Variants in NTM observed in about 807,000 individuals in gnomAD.
NTM encodes the protein IgLON family member 2.
NTM carries 13 observed loss-of-function variants against 42.1 expected under a neutral mutation model. That is an observed-to-expected ratio of 0.31 (90% CI 0.20 to 0.49). The LOEUF (loss-of-function observed/expected upper bound fraction) is 0.49, where lower values mean the gene tolerates loss of function less well. NTM is among the 20% of genes least tolerant of loss of function. The probability of loss-of-function intolerance (pLI) is 0.99; values close to 1 mark genes in which losing one functional copy is unlikely to be tolerated. For synonymous variants in NTM, 187 were observed against 179.2 expected, an observed-to-expected ratio of 1.04 and a Z score of -0.35; for missense variants, 373 against 452.8, an observed-to-expected ratio of 0.82 and a Z score of 1.60.
chr11:132,075,712 C>T (rs758797349), intron 2 of NTM, among the ~76,000 whole-genome samples: 9 of 152,114 alleles, frequency 5.9e-5, no homozygotes, highest in Non-Finnish European at 1.2e-4. Flanking sequence ...ATTCTTTTAG[C>T]ACATAGCCTC....
chr11:132,317,920 G>A (rs1249641351), intron 7 of NTM, among the ~76,000 whole-genome samples: 1 of 152,010 alleles, frequency 6.6e-6, no homozygotes, highest in Non-Finnish European at 1.5e-5. Flanking sequence ...AAGAAAGAAA[G>A]AAAAGTATCG....
At chr11:131,593,315 C>T (rs1315007638) in intron 1 of NTM, among the ~76,000 whole-genome samples, 1 of 152,162 alleles carries the variant, frequency 6.6e-6, no homozygotes, top group Non-Finnish European at 1.5e-5. Flanking sequence ...TTCCCTGCTA[C>T]AGTTGTCTTT....
intron 1 of NTM, among the ~76,000 whole-genome samples, chr11:131,779,099 A>C (rs113766821): frequency 3.4e-3 from 517 of 152,354 alleles, no homozygotes; most frequent in African/African-American, 0.012. Flanking sequence ...CACAGTAAGC[A>C]TCTAGGAACT....
intron 1 of NTM, among the ~76,000 whole-genome samples, chr11:131,878,561 C>T (rs1203273833): frequency 2.4e-5 from 2 of 83,416 alleles, no homozygotes; most frequent in East Asian, 3.2e-4. Flanking sequence ...CAGAGGGAGA[C>T]TCCATCTCAA....
At chr11:131,830,149 T>A (rs780384175) in intron 1 of NTM, among the ~76,000 whole-genome samples, 2 of 152,230 alleles carry the variant, frequency 1.3e-5, no homozygotes, top group Non-Finnish European at 2.9e-5. Flanking sequence ...GTTGATAGTT[T>A]CTTTTGCTGT....
Position 131,689,316 on chromosome 11 carries a change from A to G in NTM, c.83-222248A>G, listed in dbSNP as rs376614521. Among the ~76,000 whole-genome samples, 169 of 152,324 alleles carry G rather than the reference A, an allele frequency of 1.1e-3. 1 individual carries two copies. The highest frequency in any genetic ancestry group is 3.9e-3 in the African/African-American group (162 of 41,588). On this transcript the variant is annotated intron_variant, in intron 1 of 8. Coordinates refer to ENST00000683400, the MANE Select transcript of NTM (RefSeq NM_001352005.2). ...CTTGCCTCCCCACCCAGTATTGCCC[A>G]GCCCCTCAGAAGCTAGCCATGGTAA...
chr11:131,502,277 G>A (rs541764272), intron 1 of NTM, among the ~76,000 whole-genome samples: 40 of 152,212 alleles, frequency 2.6e-4, no homozygotes, highest in South Asian at 6.2e-4. Context: ...GGAGCCTCGA[G>A]AGAGAGAGAG....
intron 1 of NTM, among the ~76,000 whole-genome samples, chr11:131,417,502 G>T (rs1481746145): frequency 6.6e-6 from 1 of 152,172 alleles, no homozygotes; most frequent in Non-Finnish European, 1.5e-5. Flanking sequence ...GTATAGGGAA[G>T]GGTCTAGCCC....
intron 1 of NTM, among the ~76,000 whole-genome samples, chr11:131,669,282 T>A (rs1037993518): frequency 6.6e-6 from 1 of 152,058 alleles, no homozygotes. Context: ...AAATAGAGGT[T>A]AAGAGGTCAG....
At chr11:131,795,319 C>A (rs527375013) in intron 1 of NTM, 4 of 847,498 alleles carry the variant, frequency 4.7e-6, no homozygotes, top group African/African-American at 1.8e-5. Context: ...AGTGCCCAGG[C>A]GCTCCTAATA....
chr11:132,138,232 G>A (rs986696822), intron 2 of NTM, among the ~76,000 whole-genome samples: 9 of 152,084 alleles, frequency 5.9e-5, no homozygotes, highest in Non-Finnish European at 1.5e-5. Context: ...TTCCACATAT[G>A]ACAAAAAGAT....
chr11:131,954,167 T>C (rs2061325764), intron 2 of NTM, among the ~76,000 whole-genome samples: 1 of 152,170 alleles, frequency 6.6e-6, no homozygotes, highest in South Asian at 2.1e-4. Flanking sequence ...CGCGATGTCC[T>C]CTGAAAACCA....
At chr11:132,333,812 G>A (rs1229770001) in intron 8 of NTM, among the ~76,000 whole-genome samples, 1 of 152,186 alleles carries the variant, frequency 6.6e-6, no homozygotes, top group African/African-American at 2.4e-5. Context: ...TATCCCAAAA[G>A]GCCAAGACAT....
chr11:131,603,440 A>G (rs1166685501), intron 1 of NTM, among the ~76,000 whole-genome samples: 1 of 152,136 alleles, frequency 6.6e-6, no homozygotes. Flanking sequence ...TCCATGGACT[A>G]TAGTTTGAGT....
At chr11:131,737,512 G>A (rs1012346790) in intron 1 of NTM, among the ~76,000 whole-genome samples, 2 of 151,912 alleles carry the variant, frequency 1.3e-5, no homozygotes, top group African/African-American at 2.4e-5. Context: ...TTGATTTTTC[G>A]GCATTTTCTT....
chr11:132,249,325 T>C (rs2139352612), intron 4 of NTM, among the ~76,000 whole-genome samples: 1 of 152,254 alleles, frequency 6.6e-6, no homozygotes, highest in East Asian at 1.9e-4. Flanking sequence ...CCAGCCCTCA[T>C]GAACGTGGTG....
intron 1 of NTM, among the ~76,000 whole-genome samples, chr11:131,888,877 G>A (rs907973173): frequency 1.3e-5 from 2 of 151,944 alleles, no homozygotes; most frequent in Admixed American, 6.6e-5. Context: ...TCTCGGCATC[G>A]GCGACATAGA....
intron 3 of NTM, among the ~76,000 whole-genome samples, chr11:132,156,177 A>G (rs1406399757): frequency 6.6e-6 from 1 of 152,136 alleles, no homozygotes; most frequent in Non-Finnish European, 1.5e-5. Context: ...TCTTTAGCCC[A>G]AGAGAGCCAA....
At chr11:132,173,331 A>T (rs188956199) in intron 3 of NTM, among the ~76,000 whole-genome samples, 1 of 152,186 alleles carries the variant, frequency 6.6e-6, no homozygotes, top group East Asian at 1.9e-4. Context: ...GGGTTAAATA[A>T]TCTGTGATTG....
Sources: allele counts gnomAD v4.1 joint callset (sites outside exome capture counted in the v4.1 genomes callset), GRCh38; gene constraint gnomAD v4.1.1; transcripts MANE v1.5; gene names NCBI Gene and HGNC (gene_info 2026-07-23, HGNC 2026-07-21).